TRPV3: variants seen among roughly 807,000 people sequenced by gnomAD.
TRPV3 encodes transient receptor potential cation channel subfamily V member 3, also known as VRL-3.
Under a neutral mutation model 87.1 loss-of-function variants are expected in TRPV3, and 88 were observed. The observed-to-expected ratio is 1.01, with a 90% CI of 0.85 to 1.21. The LOEUF is 1.21. TRPV3 is among the 50% of genes most tolerant of loss of function. TRPV3 has a pLI of 0.00. For missense variants in TRPV3, 1,054 were observed against 1,030.1 expected, an observed-to-expected ratio of 1.02 and a Z score of -0.32; for synonymous variants, 438 against 423.3, an observed-to-expected ratio of 1.03 and a Z score of -0.43.
chr17:3,546,021 G>A (rs1219768769), intron 2 of TRPV3, among the ~76,000 whole-genome samples: 1 of 151,208 alleles, frequency 6.6e-6, no homozygotes, highest in Non-Finnish European at 1.5e-5. Flanking sequence ...AGAAAACAGG[G>A]AGCACAGGGC....
At chr17:3,529,377 C>G (rs559717060) in intron 9 of TRPV3, among the ~76,000 whole-genome samples, 1 of 152,136 alleles carries the variant, frequency 6.6e-6, no homozygotes, top group Non-Finnish European at 1.5e-5. Flanking sequence ...AAACTGCTAA[C>G]AATCCCTGCC....
Position 3,534,661 on chromosome 17 carries a change from A to G in TRPV3, c.784+912T>C, listed in dbSNP as rs144066241. Among the ~76,000 whole-genome samples the G allele has an allele frequency of 3.4e-5, 5 of 149,130 alleles. No individual in the cohort carries two copies. In the East Asian group the frequency reaches 7.9e-4, roughly 24 times the overall value. ...CATTTCAATTTTTTTTTTTTTTCCTAGAGCATCCTAACCCCAATTGCTTCT... is the reference window on the plus strand; with the variant it reads ...CATTTCAATTTTTTTTTTTTTTCCTGGAGCATCCTAACCCCAATTGCTTCT... On this transcript the variant is annotated intron_variant, in intron 7 of 17. Coordinates refer to ENST00000576742, the MANE Select transcript of TRPV3 (RefSeq NM_145068.4).
chr17:3,519,460 A>AGATTGATGGATGGATAGATGATTG (rs2074216653), intron 14 of TRPV3, among the ~76,000 whole-genome samples: 1 of 40,018 alleles, frequency 2.5e-5, no homozygotes, highest in Non-Finnish European at 4.7e-5. Flanking sequence ...ATAGATGATT[A>AGATTGATGGATGGATAGATGATTG]GATGGATGGA....
intron 2 of TRPV3, among the ~76,000 whole-genome samples, chr17:3,549,845 G>A (rs2074557437): frequency 6.6e-6 from 1 of 151,784 alleles, no homozygotes; most frequent in Non-Finnish European, 1.5e-5. Flanking sequence ...ATAGATGATT[G>A]ATGGGTGAAT....
chr17:3,524,067 G>A (rs757061888), intron 13 of TRPV3, 131 bp downstream of exon 13: 4 of 1,207,922 alleles, frequency 3.3e-6, no homozygotes, highest in Non-Finnish European at 3.5e-6. Context: ...CAAAGGGAGT[G>A]CATGGCATTT....
chr17:3,518,477 G>A lies in TRPV3; in HGVS notation c.2085+99C>T, dbSNP rs922195087. On this transcript the variant is annotated intron_variant, in intron 15 of 17. Transcript: ENST00000576742. The surrounding 1 kb of genome is among the most constrained non-coding windows in gnomAD (Gnocchi z 4.3). ...CTGAGGAGCTTGTGCAGATTCTCAGGCCCCACCTCAGACCCACTGGTGCTG... is the reference window on the plus strand; with the variant it reads ...CTGAGGAGCTTGTGCAGATTCTCAGACCCCACCTCAGACCCACTGGTGCTG... The A allele has an allele frequency of 5.0e-5, 69 of 1,375,266 alleles. No homozygotes were observed. The highest frequency in any genetic ancestry group is 6.7e-5 in the Non-Finnish European group (69 of 1,030,580). 85.2% of individuals were successfully genotyped at this position (1,375,266 alleles called of 1,614,324 possible). A position where few individuals can be genotyped will look rare whatever the true frequency, so the allele number is the denominator to read the frequency against.
chr17:3,537,321 T>C (rs1368387701), intron 6 of TRPV3, among the ~76,000 whole-genome samples: 3 of 151,968 alleles, frequency 2.0e-5, no homozygotes, highest in Non-Finnish European at 4.4e-5. Flanking sequence ...AAGCAACTTG[T>C]AGAATACAGA....
At chr17:3,554,576 C>G in intron 2 of TRPV3, 156 bp downstream of exon 2, 1 of 617,232 alleles carries the variant, frequency 1.6e-6, no homozygotes, top group Non-Finnish European at 2.9e-6. Context: ...CCCCACCGCA[C>G]CATCCCCTAG....
At position 3,512,384 on chromosome 17, in the gene TRPV3, T is replaced by G. The variant is rs1507614; in HGVS notation, c.*1533A>C. The G allele has an allele frequency of 0.35, 52,463 of 152,020 alleles. 10,725 individuals are homozygous for G. The highest frequency in any genetic ancestry group is 0.64 in the East Asian group (3,273 of 5,126). 9.4% of individuals were successfully genotyped at this position (152,020 alleles called of 1,614,324 possible). ...CCATCAGGGGCACAAAGTCTCTATC[T>G]GTCCAGCTAGTCTGGCACACAGAGT... On this transcript the variant is annotated 3_prime_UTR_variant, in exon 18 of 18. Coordinates refer to ENST00000576742, the MANE Select transcript of TRPV3 (RefSeq NM_145068.4).
intron 2 of TRPV3, chr17:3,553,798 G>A (rs2074600482): frequency 6.6e-6 from 1 of 152,282 alleles, no homozygotes; most frequent in African/African-American, 2.4e-5. Context: ...CCCTGGGGCT[G>A]GTACACAGGA....
intron 2 of TRPV3, among the ~76,000 whole-genome samples, chr17:3,548,887 A>T (rs1012739190): frequency 6.6e-6 from 1 of 152,130 alleles, no homozygotes; most frequent in Non-Finnish European, 1.5e-5. Context: ...GTTGGGCCAG[A>T]TGATCCCTAA....
In TRPV3 at chr17:3,530,665, G is replaced by A. The variant is rs1458203138; in HGVS notation, c.1066-462C>T. Reference sequence around the variant, plus strand: ...CCACTCTGGCCAGGCAGGTGGTGACGAGAGACACCACGCCCTACAGGGAGG... The same window carrying A: ...CCACTCTGGCCAGGCAGGTGGTGACAAGAGACACCACGCCCTACAGGGAGG... On this transcript the variant is annotated intron_variant, in intron 8 of 17. Coordinates refer to ENST00000576742, the MANE Select transcript of TRPV3 (RefSeq NM_145068.4). The surrounding 1 kb of genome is among the most constrained non-coding windows in gnomAD (Gnocchi z 4.0). Among the ~76,000 whole-genome samples the A allele has an allele frequency of 6.6e-6, 1 of 152,188 alleles. No homozygotes were observed. The highest frequency in any genetic ancestry group is 1.5e-5 in the Non-Finnish European group (1 of 68,034).
At position 3,515,119 on chromosome 17, in the gene TRPV3, C is replaced by T. The variant is rs145532367; in HGVS notation, c.2199-447G>A. Among the ~76,000 whole-genome samples, 41 of 152,246 alleles carry T rather than the reference C, an allele frequency of 2.7e-4. No individual in the cohort carries two copies. In the East Asian group the frequency reaches 6.0e-3, roughly 22 times the overall value. ...TCAGTGCCCCAACAAGAGTGGGTGGCGTCTGAGGTGTTAGAATACAACCAT... is the reference window on the plus strand; with the variant it reads ...TCAGTGCCCCAACAAGAGTGGGTGGTGTCTGAGGTGTTAGAATACAACCAT... On this transcript the variant is annotated intron_variant, in intron 16 of 17. Coordinates refer to ENST00000576742, the MANE Select transcript of TRPV3 (RefSeq NM_145068.4).
In TRPV3 at chr17:3,513,827, C is replaced by T. The variant is rs1204884766; in HGVS notation, c.*90G>A. ...CTTCTAGGCCAGCAGAGCCGGACTC[C>T]ACCATCCCTCAAAGCCTCTCTGCAC... On this transcript the variant is annotated 3_prime_UTR_variant, in exon 18 of 18. Transcript: ENST00000576742. 3 of 1,126,970 alleles carry T rather than the reference C, an allele frequency of 2.7e-6. No individual in the cohort carries two copies. Among genetic ancestry groups the T allele is most frequent in the African/African-American group, 1.6e-5 (1 of 63,144 alleles). 69.8% of individuals were successfully genotyped at this position (1,126,970 alleles called of 1,614,324 possible).
chr17:3,538,985 A>T (rs1478902787), intron 6 of TRPV3, among the ~76,000 whole-genome samples: 1 of 152,218 alleles, frequency 6.6e-6, no homozygotes, highest in African/African-American at 2.4e-5. Context: ...CATAGACAAG[A>T]TCGTGCACTG....
Position 3,513,766 on chromosome 17 carries a change from A to C in TRPV3, c.*151T>G. On this transcript the variant is annotated 3_prime_UTR_variant, in exon 18 of 18. Coordinates refer to ENST00000576742, the MANE Select transcript of TRPV3 (RefSeq NM_145068.4). ...AATTGACAACTGCCCCTCAGTTCAGACACCCACTGAGCACTGAGCACGAGG... is the reference window on the plus strand; with the variant it reads ...AATTGACAACTGCCCCTCAGTTCAGCCACCCACTGAGCACTGAGCACGAGG... The C allele has an allele frequency of 1.6e-6, 1 of 608,916 alleles. No homozygotes were observed. Among genetic ancestry groups the C allele is most frequent in the Non-Finnish European group, 2.9e-6 (1 of 346,182 alleles). 37.7% of individuals were successfully genotyped at this position (608,916 alleles called of 1,614,324 possible).
At chr17:3,551,587 A>C (rs2150807693) in intron 2 of TRPV3, among the ~76,000 whole-genome samples, 1 of 152,300 alleles carries the variant, frequency 6.6e-6, no homozygotes, top group South Asian at 2.1e-4. Context: ...TTGTCCATCC[A>C]TTTGCTTTGT....
At chr17:3,551,826 C>A (rs1410302727) in intron 2 of TRPV3, among the ~76,000 whole-genome samples, 3 of 142,490 alleles carry the variant, frequency 2.1e-5, no homozygotes, top group Non-Finnish European at 4.5e-5. Context: ...AGGCCTGTTT[C>A]CTTAGGGGTC....
rs1274595545 is a variant in TRPV3, at chr17:3,532,732, G to C, written c.990C>G (p.Asn330Lys). ...MYDMILLRSG[N>K]WELETTRNND... is the part of the protein sequence containing the mutation. ...TGTTGCGAGTGGTCTCCAGCTCCCA[G>C]TTGCCACTCCGCAGTAGGATCATGT... is the stretch of plus-strand genomic sequence containing the variant. The change falls in exon 8 of 18, where the codon AAC becomes AAG. Residue 330 changes from asparagine to lysine, a missense_variant. Physicochemically the swap from Asn to Lys is moderately conservative, Grantham distance 94. Coordinates refer to ENST00000576742, the MANE Select transcript of TRPV3 (RefSeq NM_145068.4). 6.2e-7 allele frequency: 1 copy of C among 1,614,270 alleles called. No individual in the cohort carries two copies. The highest frequency in any genetic ancestry group is 1.1e-5 in the South Asian group (1 of 91,090).
Sources: gnomAD v4.1 joint callset for allele counts (sites outside exome capture counted in the v4.1 genomes callset) on GRCh38, gnomAD v4.1.1 for gene constraint, Gnocchi (gnomAD v3.1) non-coding constraint, MANE v1.5 for transcripts, NCBI Gene and HGNC (gene_info 2026-07-23, HGNC 2026-07-21) for gene names.